The following ATXN1 variants were observed in gnomAD, a reference collection of about 807,000 sequenced individuals.
ATXN1 encodes the protein ataxin-1.
A neutral mutation model predicts 56.4 loss-of-function variants in ATXN1; 8 were observed. The ratio of observed to expected loss-of-function variants is 0.14; its 90% confidence interval spans 0.08 to 0.26. The LOEUF (loss-of-function observed/expected upper bound fraction) is 0.26. ATXN1 is among the 10% of genes least tolerant of loss of function. The probability of loss-of-function intolerance (pLI) is 1.00; values close to 1 mark genes in which losing one functional copy is unlikely to be tolerated. For missense variants in ATXN1, 987 were observed against 1,106.5 expected (o/e 0.89, Z 1.53); for synonymous variants, 514 against 494.6 (o/e 1.04, Z -0.52).
intron 4 of ATXN1, among the ~76,000 whole-genome samples, chr6:16,584,073 C>T (rs1191132134): frequency 6.6e-6 from 1 of 151,698 alleles, no homozygotes; most frequent in Non-Finnish European, 1.5e-5. Context: ...CCGAATTTTA[C>T]ATGCAAAGTA....
chr6:16,464,541 G>A (rs1218753526), intron 6 of ATXN1, among the ~76,000 whole-genome samples: 2 of 152,230 alleles, frequency 1.3e-5, no homozygotes, highest in East Asian at 3.9e-4. Context: ...TTTAAGAGCT[G>A]TAACACTCAC....
chr6:16,530,265 T>A (rs1316021450), intron 4 of ATXN1, among the ~76,000 whole-genome samples: 1 of 152,160 alleles, frequency 6.6e-6, no homozygotes, highest in Non-Finnish European at 1.5e-5. Context: ...TCAAGGAAAG[T>A]AATTAAAATC....
chr6:16,742,728 C>T (rs1408433982), intron 2 of ATXN1, among the ~76,000 whole-genome samples: 2 of 152,172 alleles, frequency 1.3e-5, no homozygotes, highest in Non-Finnish European at 2.9e-5. Context: ...ACCCGGCCGG[C>T]CAACTCAAAA....
chr6:16,628,118 C>G (rs547607865), intron 3 of ATXN1, among the ~76,000 whole-genome samples: 1 of 152,204 alleles, frequency 6.6e-6, no homozygotes, highest in Non-Finnish European at 1.5e-5. Context: ...GTACAGCCTC[C>G]GTACAGATCC....
At chr6:16,329,181 CT>C (rs1294849859) in intron 6 of ATXN1, among the ~76,000 whole-genome samples, 1 of 152,044 alleles carries the variant, frequency 6.6e-6, no homozygotes, top group African/African-American at 2.4e-5. Context: ...CTCACCTCTC[CT>C]TTGCCTGGCT....
chr6:16,317,761 C>T (rs1760548604), intron 7 of ATXN1, among the ~76,000 whole-genome samples: 1 of 152,092 alleles, frequency 6.6e-6, no homozygotes, highest in Non-Finnish European at 1.5e-5. Context: ...CCCACTGCTG[C>T]CAGCAAGCCC....
intron 3 of ATXN1, among the ~76,000 whole-genome samples, chr6:16,620,328 T>A (rs1171513166): frequency 6.6e-6 from 1 of 151,456 alleles, no homozygotes; most frequent in East Asian, 1.9e-4. Context: ...AACATAACTA[T>A]AATTTCCAAC....
At chr6:16,388,446 T>G (rs1449507596) in intron 6 of ATXN1, among the ~76,000 whole-genome samples, 1 of 152,222 alleles carries the variant, frequency 6.6e-6, no homozygotes, top group Non-Finnish European at 1.5e-5. Flanking sequence ...ATCAGACATA[T>G]GGACTCTCCT....
At position 16,419,592 on chromosome 6, in the gene ATXN1, T is replaced by G. The variant is rs886576910; in HGVS notation, c.-161+66380A>C. 3.9e-5 allele frequency among the ~76,000 whole-genome samples: 6 copies of G among 152,304 alleles called. No individual in the cohort carries two copies. In the East Asian group the frequency reaches 9.6e-4, roughly 24 times the overall value. ...GGCCTGGCCCTGGGCAGTGCTATTT[T>G]CAGAGTGTGTGAGGGCCAGGCTGCA... On this transcript the variant is annotated intron_variant, in intron 6 of 7. Coordinates refer to ENST00000436367, the MANE Select transcript of ATXN1 (RefSeq NM_001128164.2).
chr6:16,480,154 C>CAAAAAAAAAAAAA (rs60209783), intron 6 of ATXN1, among the ~76,000 whole-genome samples: 2 of 79,110 alleles, frequency 2.5e-5, no homozygotes, highest in Non-Finnish European at 5.0e-5. Context: ...ACTTCATCTG[C>CAAAAAAAAAAAAA]AAAAAAAAAA....
chr6:16,493,651 A>C (rs1397855459), intron 5 of ATXN1, among the ~76,000 whole-genome samples: 1 of 151,976 alleles, frequency 6.6e-6, no homozygotes, highest in Non-Finnish European at 1.5e-5. Context: ...GCAAATGATA[A>C]CTCTTTGATC....
chr6:16,694,338 G>A (rs961760529), intron 2 of ATXN1, among the ~76,000 whole-genome samples: 11 of 146,622 alleles, frequency 7.5e-5, no homozygotes, highest in South Asian at 2.2e-4. Flanking sequence ...TGCAAGCTCC[G>A]CCGCCTCCTG....
chr6:16,419,890 GAGGACCGCTC>G (rs1262093753), intron 6 of ATXN1, among the ~76,000 whole-genome samples: 1 of 152,210 alleles, frequency 6.6e-6, no homozygotes, highest in Non-Finnish European at 1.5e-5. Context: ...GGGGACGGAT[GAGGACCGCTC>G]ATCCTATCAT....
At chr6:16,338,879 A>T (rs1761182838) in intron 6 of ATXN1, among the ~76,000 whole-genome samples, 1 of 152,204 alleles carries the variant, frequency 6.6e-6, no homozygotes, top group South Asian at 2.1e-4. Context: ...GATAATATTT[A>T]TAAGTGCCCA....
Position 16,303,369 on chromosome 6 carries a change from C to G in ATXN1, c.*2960G>C, listed in dbSNP as rs984567799. The G allele has an allele frequency of 6.6e-6, 1 of 152,426 alleles. No individual in the cohort carries two copies. Among genetic ancestry groups the G allele is most frequent in the African/African-American group, 2.4e-5 (1 of 41,418 alleles). The allele number at this position is 152,426 out of a possible 1,614,324, so 9.4% of individuals were successfully genotyped here. ...GACGCACGGGGCTCCTGAAGGCTCC[C>G]CGCCCCAGCACTCAGCATCCGCAGC... On this transcript the variant is annotated 3_prime_UTR_variant, in exon 8 of 8. Transcript: ENST00000436367. The surrounding 1 kb of genome is among the most constrained non-coding windows in gnomAD (Gnocchi z 4.3).
intron 2 of ATXN1, chr6:16,666,990 C>T (rs895177583): frequency 8.6e-5 from 13 of 152,028 alleles, no homozygotes; most frequent in African/African-American, 1.2e-4. Flanking sequence ...AAAGAAAATA[C>T]GCAAAGAACT....
intron 6 of ATXN1, among the ~76,000 whole-genome samples, chr6:16,457,386 GA>G (rs767195953): frequency 1.2e-3 from 156 of 129,682 alleles, no homozygotes; most frequent in Admixed American, 2.2e-3. Context: ...AGGGAGAAGA[GA>G]AAAAAAAAAA....
intron 6 of ATXN1, among the ~76,000 whole-genome samples, chr6:16,409,732 A>G (rs1758759875): frequency 6.6e-6 from 1 of 151,424 alleles, no homozygotes; most frequent in African/African-American, 2.4e-5. Flanking sequence ...AAATTGTTGT[A>G]AGACAATTTT....
chr6:16,562,829 G>C (rs1228455315), intron 4 of ATXN1, among the ~76,000 whole-genome samples: 1 of 151,958 alleles, frequency 6.6e-6, no homozygotes, highest in Non-Finnish European at 1.5e-5. Context: ...GTCAAAATAA[G>C]GGCTCCTTTA....
Sources: allele counts gnomAD v4.1 joint callset (sites outside exome capture counted in the v4.1 genomes callset), GRCh38; gene constraint gnomAD v4.1.1; non-coding constraint Gnocchi (gnomAD v3.1); transcripts MANE v1.5; gene names NCBI Gene and HGNC (gene_info 2026-07-23, HGNC 2026-07-21).